SEMA6D: variants seen among roughly 807,000 people sequenced by gnomAD.
SEMA6D encodes semaphorin-6D.
Under a neutral mutation model 106.6 loss-of-function variants are expected in SEMA6D, and 35 were observed. The ratio of observed to expected loss-of-function variants is 0.33; its 90% CI spans 0.25 to 0.44. The LOEUF (loss-of-function observed/expected upper bound fraction) is 0.44, where lower values mean the gene tolerates loss of function less well. Among genes scored for constraint, SEMA6D ranks in the 20% least tolerant of loss-of-function variants. The probability of loss-of-function intolerance (pLI) is 1.00; values close to 1 mark genes in which losing one functional copy is unlikely to be tolerated. For synonymous variants in SEMA6D, 499 were observed against 487.7 expected, an observed-to-expected ratio of 1.02 and a Z score of -0.31; for missense variants, 1,185 against 1,345.9, an observed-to-expected ratio of 0.88 and a Z score of 1.87.
At chr15:47,426,761 G>T (rs1287325736) in intron 2 of SEMA6D, among the ~76,000 whole-genome samples, 1 of 152,110 alleles carries the variant, frequency 6.6e-6, no homozygotes, top group Non-Finnish European at 1.5e-5. Flanking sequence ...AAAGCCCAAT[G>T]CTAGAAAGGA....
At chr15:47,656,468 A>G (rs2077797067) in intron 4 of SEMA6D, among the ~76,000 whole-genome samples, 1 of 152,178 alleles carries the variant, frequency 6.6e-6, no homozygotes, top group East Asian at 1.9e-4. Flanking sequence ...TGCCCTTCTA[A>G]TACAATATTA....
intron 1 of SEMA6D, among the ~76,000 whole-genome samples, chr15:47,314,175 C>G (rs951331824): frequency 1.3e-5 from 2 of 152,142 alleles, no homozygotes; most frequent in African/African-American, 4.8e-5. Flanking sequence ...TTTCCTTTAT[C>G]TGATGACATA....
rs963905868 is a variant in SEMA6D, at chr15:47,436,392, C to CAAA, written c.-159+23930_-159+23932dup. On this transcript the variant is annotated intron_variant, in intron 2 of 19. Coordinates refer to the SEMA6D transcript ENST00000558014. ...GCAACAAAAGTGAAAGTCTGTCTCA[C>CAAA]AAAAAAAAAAAAGAAAAAAGACTTT... Among the ~76,000 whole-genome samples, 596 of 126,120 alleles carry CAAA rather than the reference C, an allele frequency of 4.7e-3. 2 individuals carry two copies. The highest frequency in any genetic ancestry group is 0.017 in the African/African-American group (574 of 34,264). 82.7% of individuals were successfully genotyped at this position (126,120 alleles called of 152,430 possible). A position where few individuals can be genotyped will look rare whatever the true frequency, so the allele number is the denominator to read the frequency against.
chr15:47,760,497 A>T (rs1046151761), intron 3 of SEMA6D, 82 bp downstream of exon 3: 2 of 1,060,032 alleles, frequency 1.9e-6, no homozygotes, highest in African/African-American at 3.2e-5. Flanking sequence ...TTCATGAAAA[A>T]CTAATATGTG....
intron 2 of SEMA6D, among the ~76,000 whole-genome samples, chr15:47,458,689 A>G (rs2042414068): frequency 6.6e-6 from 1 of 152,018 alleles, no homozygotes; most frequent in Middle Eastern, 3.2e-3. Context: ...AAAAATAAAA[A>G]TGTGTAGGAT....
intron 1 of SEMA6D, among the ~76,000 whole-genome samples, chr15:47,321,610 T>C (rs548930204): frequency 6.6e-6 from 1 of 152,314 alleles, no homozygotes; most frequent in South Asian, 2.1e-4. Flanking sequence ...ACAGATAATA[T>C]ACATTTGAAG....
At position 47,766,651 on chromosome 15, in the gene SEMA6D, A is replaced by G. The variant is rs1169946778; in HGVS notation, c.1682A>G (p.Asn561Ser). 1 of 1,612,494 alleles carries G rather than the reference A, an allele frequency of 6.2e-7. No individual in the cohort carries two copies. The highest frequency in any genetic ancestry group is 8.5e-7 in the Non-Finnish European group (1 of 1,178,822). The change falls in exon 16 of 19, where the codon AAC becomes AGC. Residue 561 changes from asparagine to serine, a missense_variant. Physicochemically the swap from Asn to Ser is conservative, Grantham distance 46. Coordinates refer to ENST00000536845, the MANE Select transcript of SEMA6D (RefSeq NM_001358351.3). ...TATGAACAAGACACAGAATTCGGCA[A>G]CACAGCTCATCTAGGGGACTGCCAT... ...EGYEQDTEFG[N>S]TAHLGDCHEI...
intron 1 of SEMA6D, among the ~76,000 whole-genome samples, chr15:47,252,169 G>A (rs894963550): frequency 1.4e-5 from 2 of 144,934 alleles, no homozygotes; most frequent in Admixed American, 6.8e-5. Context: ...CGCCCGCCTC[G>A]GCCTCCCAAA....
At chr15:47,640,366 T>C (rs944461111) in intron 4 of SEMA6D, among the ~76,000 whole-genome samples, 8 of 152,148 alleles carry the variant, frequency 5.3e-5, no homozygotes, top group Non-Finnish European at 8.8e-5. Flanking sequence ...GACACAAATA[T>C]ATCGGTCTGT....
chr15:47,416,315 G>A (rs565549784), intron 2 of SEMA6D, among the ~76,000 whole-genome samples: 1 of 152,166 alleles, frequency 6.6e-6, no homozygotes, highest in Non-Finnish European at 1.5e-5. Context: ...GTTCCTTCAA[G>A]CCTGGGTATG....
intron 4 of SEMA6D, among the ~76,000 whole-genome samples, chr15:47,658,781 A>C (rs752407493): frequency 5.3e-5 from 8 of 152,164 alleles, no homozygotes; most frequent in Non-Finnish European, 1.2e-4. Flanking sequence ...TATTAAGCAA[A>C]TTATATTTAA....
intron 3 of SEMA6D, among the ~76,000 whole-genome samples, chr15:47,594,825 G>T (rs1324829316): frequency 1.3e-5 from 2 of 152,204 alleles, no homozygotes; most frequent in Non-Finnish European, 2.9e-5. Context: ...GTTTGGGGTA[G>T]ATTTTGAAGG....
At chr15:47,682,446 C>T (rs1051143314) in intron 4 of SEMA6D, among the ~76,000 whole-genome samples, 16 of 151,944 alleles carry the variant, frequency 1.1e-4, no homozygotes, top group African/African-American at 3.6e-4. Flanking sequence ...GGATTACAGG[C>T]GTGAGCCACC....
rs559173467 is a variant in SEMA6D, at chr15:47,210,016, A to G, written c.-239+25598A>G. ...AAAAGGGAGTGGGATAAAGAAAATG[A>G]TATAAGAAGTCTTTACTTCCAATAG... On this transcript the variant is annotated intron_variant, in intron 1 of 19. Coordinates refer to the SEMA6D transcript ENST00000558014. Among the ~76,000 whole-genome samples, 5 of 152,334 alleles carry G rather than the reference A, an allele frequency of 3.3e-5. No homozygotes were observed. The East Asian group carries it at 9.6e-4, about 29-fold the overall frequency.
At chr15:47,428,835 C>G (rs2041431217) in intron 2 of SEMA6D, among the ~76,000 whole-genome samples, 2 of 151,642 alleles carry the variant, frequency 1.3e-5, no homozygotes, top group Non-Finnish European at 2.9e-5. Flanking sequence ...ATTTACGTAC[C>G]TTGTGTATTG....
At position 47,350,087 on chromosome 15, in the gene SEMA6D, G is replaced by A. The variant is rs141635659; in HGVS notation, c.-238-62306G>A. 1.3e-3 allele frequency among the ~76,000 whole-genome samples: 202 copies of A among 152,216 alleles called. 2 individuals carry two copies. The highest frequency in any genetic ancestry group is 4.8e-3 in the African/African-American group (198 of 41,540). On this transcript the variant is annotated intron_variant, in intron 1 of 19. Transcript: ENST00000558014. The stretch of plus-strand genomic sequence containing the variant: ...TTTGTGTGTGCACATATATGTATGT[G>A]GTCCCATAAGTGTTTTCATTATAAC...
chr15:47,413,916 T>A (rs1595936713), intron 2 of SEMA6D, among the ~76,000 whole-genome samples: 1 of 152,350 alleles, frequency 6.6e-6, no homozygotes, highest in South Asian at 2.1e-4. Flanking sequence ...TGGCCTTACA[T>A]CTGTGAATTT....
At chr15:47,336,059 C>T (rs537612905) in intron 1 of SEMA6D, among the ~76,000 whole-genome samples, 1 of 152,300 alleles carries the variant, frequency 6.6e-6, no homozygotes, top group South Asian at 2.1e-4. Context: ...GGCAAAAGGG[C>T]TAGTGTCCTT....
At chr15:47,435,389 G>A (rs958994313) in intron 2 of SEMA6D, among the ~76,000 whole-genome samples, 1 of 152,046 alleles carries the variant, frequency 6.6e-6, no homozygotes, top group Non-Finnish European at 1.5e-5. Context: ...AGCAAAATTT[G>A]GCTTCCTAGA....
Sources: gnomAD v4.1 joint callset for allele counts (sites outside exome capture counted in the v4.1 genomes callset) on GRCh38, gnomAD v4.1.1 for gene constraint, MANE v1.5 for transcripts, NCBI Gene and HGNC (gene_info 2026-07-23, HGNC 2026-07-21) for gene names.